The following LHFPL4 variants were observed in gnomAD, a reference collection of about 807,000 sequenced individuals.
LHFPL4 encodes the protein LHFPL tetraspan subfamily member 4 protein.
Under a neutral mutation model 20.0 loss-of-function variants are expected in LHFPL4, and 6 were observed. The ratio of observed to expected loss-of-function variants is 0.30; its 90% CI spans 0.16 to 0.59. The LOEUF is 0.59. Among genes scored for constraint, LHFPL4 ranks in the 20% least tolerant of loss-of-function variants. The pLI is 0.88. For missense variants in LHFPL4, 215 were observed against 331.2 expected, an observed-to-expected ratio of 0.65 and a Z score of 2.72; for synonymous variants, 129 against 143.8, an observed-to-expected ratio of 0.90 and a Z score of 0.74.
At position 9,500,915 on chromosome 3, in the gene LHFPL4, G is replaced by A; in HGVS notation, c.*1296C>T. 1 of 152,702 alleles carries A rather than the reference G, an allele frequency of 6.5e-6. No homozygotes were observed. The highest frequency in any genetic ancestry group is 1.5e-5 in the Non-Finnish European group (1 of 68,360). 9.5% of individuals were successfully genotyped at this position (152,702 alleles called of 1,614,324 possible). ...AGACGCCCCCACAGTGGGTGGAGGG[G>A]GGAGAAACTTCTCACCTGTCCCCCA... On this transcript the variant is annotated 3_prime_UTR_variant, in exon 4 of 4. Transcript: ENST00000287585.
intron 2 of LHFPL4, among the ~76,000 whole-genome samples, chr3:9,529,534 T>C (rs2046396132): frequency 6.6e-6 from 1 of 152,244 alleles, no homozygotes; most frequent in African/African-American, 2.4e-5. Flanking sequence ...TTAGCAGGCA[T>C]GAAAACAGCA....
intron 2 of LHFPL4, among the ~76,000 whole-genome samples, chr3:9,534,916 C>A (rs2125664081): frequency 6.6e-6 from 1 of 152,054 alleles, no homozygotes; most frequent in Middle Eastern, 3.4e-3. Context: ...TGAGGATGTT[C>A]ATCACGTTGC....
chr3:9,536,657 C>T (rs1008105660), intron 2 of LHFPL4, among the ~76,000 whole-genome samples: 1 of 152,080 alleles, frequency 6.6e-6, no homozygotes, highest in East Asian at 1.9e-4. Context: ...CCAGAATGAA[C>T]ATTCAAAAAC....
chr3:9,509,270 A>C (rs2046241815), intron 2 of LHFPL4, among the ~76,000 whole-genome samples: 2 of 121,078 alleles, frequency 1.7e-5, no homozygotes, highest in African/African-American at 6.7e-5. Context: ...TGGCTTGTCT[A>C]CCTAGTGCTC....
At chr3:9,528,229 C>A (rs935739714) in intron 2 of LHFPL4, among the ~76,000 whole-genome samples, 7 of 152,178 alleles carry the variant, frequency 4.6e-5, no homozygotes, top group African/African-American at 1.7e-4. Context: ...CTTCTTTCAA[C>A]ATTGGAATCA....
intron 2 of LHFPL4, among the ~76,000 whole-genome samples, chr3:9,546,131 TGGTG>T (rs2046510784): frequency 6.6e-6 from 1 of 151,792 alleles, no homozygotes; most frequent in Non-Finnish European, 1.5e-5. Context: ...CTGGCCAACA[TGGTG>T]AAACCCTGTC....
chr3:9,546,722 C>A (rs985921987), intron 2 of LHFPL4, among the ~76,000 whole-genome samples: 2 of 152,196 alleles, frequency 1.3e-5, no homozygotes, highest in Non-Finnish European at 2.9e-5. Context: ...GTCATCCCAG[C>A]AAGTCCAAAC....
intron 2 of LHFPL4, among the ~76,000 whole-genome samples, chr3:9,531,617 C>T (rs143903437): frequency 3.5e-4 from 53 of 152,256 alleles, no homozygotes; most frequent in African/African-American, 1.2e-3. Context: ...GCCTGGCCAA[C>T]GTGGTGAAAC....
At chr3:9,527,809 AACACACACACACACAC>A (rs58489008) in intron 2 of LHFPL4, among the ~76,000 whole-genome samples, 12 of 143,178 alleles carry the variant, frequency 8.4e-5, no homozygotes, top group African/African-American at 1.8e-4. Flanking sequence ...TTCAAATACA[AACACACACACACACAC>A]ACACACACAC....
At chr3:9,516,715 C>T (rs1366298769) in intron 2 of LHFPL4, among the ~76,000 whole-genome samples, 6 of 151,916 alleles carry the variant, frequency 3.9e-5, no homozygotes, top group African/African-American at 1.2e-4. Context: ...CTCAGGTGAT[C>T]CACCCACCTC....
intron 2 of LHFPL4, among the ~76,000 whole-genome samples, chr3:9,535,868 C>G (rs563948335): frequency 1.3e-5 from 2 of 152,228 alleles, no homozygotes; most frequent in Admixed American, 1.3e-4. Flanking sequence ...GTAGCATGAT[C>G]TTGGCTCACT....
chr3:9,533,213 C>G (rs1412182674), intron 2 of LHFPL4, among the ~76,000 whole-genome samples: 1 of 152,202 alleles, frequency 6.6e-6, no homozygotes, highest in African/African-American at 2.4e-5. Flanking sequence ...TCTTTTCAGG[C>G]TGTCCCCAGC....
chr3:9,513,681 C>T (rs1406796083), intron 2 of LHFPL4, among the ~76,000 whole-genome samples: 1 of 152,164 alleles, frequency 6.6e-6, no homozygotes, highest in Non-Finnish European at 1.5e-5. Flanking sequence ...CACATGCAGT[C>T]GAACCTAGTC....
intron 2 of LHFPL4, among the ~76,000 whole-genome samples, chr3:9,511,715 CTT>C (rs2046262309): frequency 6.6e-6 from 1 of 152,110 alleles, no homozygotes; most frequent in South Asian, 2.1e-4. Flanking sequence ...GCCGATTTCT[CTT>C]TGTTTAAAAG....
At chr3:9,508,261 C>G (rs1160040917) in intron 2 of LHFPL4, among the ~76,000 whole-genome samples, 5 of 152,240 alleles carry the variant, frequency 3.3e-5, no homozygotes, top group African/African-American at 1.2e-4. Flanking sequence ...CAGTCCTCCT[C>G]CTCTCCCCAA....
chr3:9,513,257 G>A (rs1371470484), intron 2 of LHFPL4, among the ~76,000 whole-genome samples: 1 of 152,178 alleles, frequency 6.6e-6, no homozygotes, highest in East Asian at 1.9e-4. Flanking sequence ...ACCGCGCCCG[G>A]CCTGGACATT....
intron 2 of LHFPL4, among the ~76,000 whole-genome samples, chr3:9,515,043 T>C (rs997683311): frequency 1.3e-5 from 2 of 152,184 alleles, no homozygotes; most frequent in African/African-American, 2.4e-5. Flanking sequence ...CTGGGTCATA[T>C]AGTAAGAGTA....
chr3:9,527,854 G>A (rs568181861), intron 2 of LHFPL4, among the ~76,000 whole-genome samples: 157 of 108,468 alleles, frequency 1.4e-3, no homozygotes, highest in Middle Eastern at 0.014. Flanking sequence ...ACACACAGAG[G>A]CATACCCTGG....
At chr3:9,518,433 G>C (rs1843013) in intron 2 of LHFPL4, among the ~76,000 whole-genome samples, 26,102 of 152,042 alleles carry the variant, frequency 0.17, 3,779 homozygotes, top group East Asian at 0.39. Flanking sequence ...AAATGAGTTA[G>C]GAAGTTTTCT....
Sources: gnomAD v4.1 joint callset for allele counts (sites outside exome capture counted in the v4.1 genomes callset) on GRCh38, gnomAD v4.1.1 for gene constraint, MANE v1.5 for transcripts, NCBI Gene and HGNC (gene_info 2026-07-23, HGNC 2026-07-21) for gene names.